The following ALS2CL variants were observed in gnomAD, a reference collection of about 807,000 sequenced individuals.
The protein encoded by ALS2CL is ALS2 C-terminal-like protein.
In ALS2CL, 112 loss-of-function variants were observed where a neutral mutation model predicts 127.9. That is an observed-to-expected ratio of 0.88 (90% CI 0.75 to 1.02). ALS2CL has a LOEUF of 1.02. Ranked by LOEUF, ALS2CL falls within the 50% of genes least tolerant of loss-of-function variation. The pLI is 0.00. For missense variants in ALS2CL, 1,174 were observed against 1,236.7 expected, an observed-to-expected ratio of 0.95 and a Z score of 0.76; for synonymous variants, 519 against 527.6, an observed-to-expected ratio of 0.98 and a Z score of 0.22.
Position 46,674,417 on chromosome 3 carries a change from A to G in ALS2CL, c.2429+149T>C. On this transcript the variant is annotated intron_variant, in intron 21 of 25. Transcript: ENST00000318962. ...GGTGCTTCCCTCTGTCATTCAGTTG[A>G]ACACCTAGATCCAGCCACACCTGAA... 10 of 1,052,232 alleles carry G rather than the reference A, an allele frequency of 9.5e-6. No homozygotes were observed. The South Asian group carries it at 1.6e-4, about 17-fold the overall frequency. 65.2% of individuals were successfully genotyped at this position (1,052,232 alleles called of 1,614,324 possible).
chr3:46,686,969 C>T lies in ALS2CL; in HGVS notation c.534+14G>A, dbSNP rs767335605. 4 of 1,574,152 alleles carry T rather than the reference C, an allele frequency of 2.5e-6. No homozygotes were observed. The highest frequency in any genetic ancestry group is 1.4e-5 in the African/African-American group (1 of 74,044). ...CCCTCGGCTTCCCCACATGCTGCTG[C>T]CCCTGGTACCCACCTCCCCAATGGT... On this transcript the variant is annotated intron_variant, in intron 5 of 25. Transcript: ENST00000318962. The surrounding 1 kb of genome is among the most constrained non-coding windows in gnomAD (Gnocchi z 4.3).
At chr3:46,682,315 C>T (rs1246581233) in intron 10 of ALS2CL, among the ~76,000 whole-genome samples, 1 of 152,214 alleles carries the variant, frequency 6.6e-6, no homozygotes, top group Non-Finnish European at 1.5e-5. Context: ...GGCACACTCA[C>T]CACATCCCAT....
In ALS2CL at chr3:46,675,645, A is replaced by G; in HGVS notation, c.2228T>C (p.Leu743Pro). Residue 743 changes from leucine to proline, a missense_variant, in exon 20 of 26, where the codon CTG (leucine) becomes CCG (proline). Transcript: ENST00000318962. ...RVALERKGQA[L>P]EEDEDTETRD... ...TGTCTCTGTGTCTTCATCCTCCTCCAGGGCCTGGCCCTTGCGCTCTAAGGC... is the reference window on the plus strand; with the variant it reads ...TGTCTCTGTGTCTTCATCCTCCTCCGGGGCCTGGCCCTTGCGCTCTAAGGC... The G allele has an allele frequency of 6.2e-7, 1 of 1,613,836 alleles. No individual in the cohort carries two copies. The highest frequency in any genetic ancestry group is 1.1e-5 in the South Asian group (1 of 91,076).
In ALS2CL at chr3:46,674,545, AC is replaced by A; in HGVS notation, c.2429+20del. The A allele has an allele frequency of 6.2e-7, 1 of 1,602,716 alleles. No homozygotes were observed. On this transcript the variant is annotated intron_variant, in intron 21 of 25. Transcript: ENST00000318962. Reference sequence around the variant, plus strand: ...GAGTTTGAGTCCTGGCTAACACGGCACGGGGGAAGGGAAGGCTTACTTCTGC... The same window carrying A: ...GAGTTTGAGTCCTGGCTAACACGGCAGGGGGAAGGGAAGGCTTACTTCTGC...
chr3:46,685,078 T>C (rs1313257299), intron 7 of ALS2CL, among the ~76,000 whole-genome samples: 5 of 152,164 alleles, frequency 3.3e-5, no homozygotes, highest in Admixed American at 3.3e-4. Context: ...CAGGCACTGC[T>C]CCTGTAGGGT....
chr3:46,675,852 T>C (rs1698772267), intron 19 of ALS2CL, 166 bp from the exon 20 acceptor site: 1 of 1,457,226 alleles, frequency 6.9e-7, no homozygotes. Context: ...AGCTCCAGGA[T>C]GTTAGCCTGA....
rs1575438119 is a variant in ALS2CL, at chr3:46,683,868, G to A, written c.846-20C>T. The A allele has an allele frequency of 3.1e-6, 5 of 1,614,094 alleles. No individual in the cohort carries two copies. In the Admixed American group the frequency reaches 5.0e-5, roughly 16 times the overall value. On this transcript the variant is annotated intron_variant, in intron 8 of 25. Coordinates refer to ENST00000318962, the MANE Select transcript of ALS2CL (RefSeq NM_147129.5). ...GTGCACCTAGACAGACGGAGGTGAT[G>A]AGTAGGCCCCAGCTTTGTCCAGGAG...
At chr3:46,675,803 AG>A in intron 19 of ALS2CL, 117 bp from the exon 20 acceptor site, 2 of 1,549,486 alleles carry the variant, frequency 1.3e-6, no homozygotes, top group East Asian at 2.3e-5. Context: ...CATGGCCTGC[AG>A]GGTTCATCCT....
intron 22 of ALS2CL, among the ~76,000 whole-genome samples, chr3:46,672,733 G>A (rs1277867989): frequency 2.0e-5 from 3 of 152,166 alleles, no homozygotes; most frequent in Admixed American, 6.5e-5. Context: ...AGTGGCTCAC[G>A]CCTGTAATCC....
Position 46,686,246 on chromosome 3 carries a change from C to A in ALS2CL, c.666+62G>T. The stretch of plus-strand genomic sequence containing the variant: ...GAATACAGCAAGCAGCTCAAGCCCC[C>A]CAACATCTCCATGCCCAATGTGGAA... On this transcript the variant is annotated intron_variant, in intron 6 of 25. Coordinates refer to ENST00000318962, the MANE Select transcript of ALS2CL (RefSeq NM_147129.5). This position sits in a 1 kb window ranked among gnomAD's most constrained non-coding sequence, Gnocchi z 4.3. 3 of 1,529,166 alleles carry A rather than the reference C, an allele frequency of 2.0e-6. No individual in the cohort carries two copies. The highest frequency in any genetic ancestry group is 2.6e-5 in the South Asian group (2 of 77,054). The allele number at this position is 1,529,166 out of a possible 1,614,324, so 94.7% of individuals were successfully genotyped here. A position where few individuals can be genotyped will look rare whatever the true frequency, so the allele number is the denominator to read the frequency against.
At chr3:46,688,680 A>T (rs1308951078) in intron 2 of ALS2CL, among the ~76,000 whole-genome samples, 1 of 152,188 alleles carries the variant, frequency 6.6e-6, no homozygotes, top group Non-Finnish European at 1.5e-5. Context: ...CTGCCATTTC[A>T]CAGATGCACA....
In ALS2CL at chr3:46,671,045, T is replaced by C. The variant is rs570904633; in HGVS notation, c.2801A>G (p.Gln934Arg). ...TALESCYEHI[Q>R]KEDMRLHRLP... ...GCGGTGCAGCCTCATGTCTTCTTTC[T>C]GGATGTGCTCGTAACAGGACTGGAG... The change falls in exon 26 of 26, where the codon CAG (glutamine) becomes CGG (arginine). Residue 934 changes from glutamine to arginine, a missense_variant. Gln to Arg is a conservative substitution (Grantham distance 43). Transcript: ENST00000318962. 3 of 1,614,192 alleles carry C rather than the reference T, an allele frequency of 1.9e-6. No homozygotes were observed. The East Asian group carries it at 6.7e-5, about 36-fold the overall frequency.
rs370377148 is a variant in ALS2CL, at chr3:46,683,974, G to A, written c.845+15C>T. 2.8e-5 allele frequency: 45 copies of A among 1,600,686 alleles called. No individual in the cohort carries two copies. The highest frequency in any genetic ancestry group is 1.6e-4 in the Middle Eastern group (1 of 6,062). ...GGGAAGAAGGCCTGGGGTGTCAGCC[G>A]AGGGGGTTGCTCACCCGTCCTGCCC... On this transcript the variant is annotated intron_variant, in intron 8 of 25. Coordinates refer to ENST00000318962, the MANE Select transcript of ALS2CL (RefSeq NM_147129.5).
At chr3:46,671,785 T>C (rs1182030269) in intron 24 of ALS2CL, 99 bp downstream of exon 24, 1 of 1,556,036 alleles carries the variant, frequency 6.4e-7, no homozygotes, top group Non-Finnish European at 8.7e-7. Context: ...AGAGAGAAGC[T>C]GCATCCATAA....
intron 20 of ALS2CL, 63 bp downstream of exon 20, chr3:46,675,555 T>G (rs1698744069): frequency 6.6e-7 from 1 of 1,515,700 alleles, no homozygotes; most frequent in Admixed American, 1.7e-5. Flanking sequence ...AGGGAGGTCC[T>G]AGGAGCAGAC....
chr3:46,672,943 T>C (rs568352925), intron 22 of ALS2CL, among the ~76,000 whole-genome samples: 1 of 151,964 alleles, frequency 6.6e-6, no homozygotes, highest in Non-Finnish European at 1.5e-5. Flanking sequence ...GAGGCGGAGG[T>C]TGCAGTGAGC....
chr3:46,678,504 G>C, intron 15 of ALS2CL, 115 bp from the exon 16 acceptor site: 7 of 1,353,906 alleles, frequency 5.2e-6, no homozygotes, highest in Non-Finnish European at 6.9e-6. Flanking sequence ...CTAATGAATG[G>C]GCTTCCCGCC....
In ALS2CL at chr3:46,669,227, G is replaced by C. The variant is rs2106670060; in HGVS notation, c.*1757C>G. On this transcript the variant is annotated 3_prime_UTR_variant, in exon 26 of 26. Transcript: ENST00000318962. ...TTTATTTTGTATTTGTAGAGACAGG[G>C]TCTCACTATGTTGCCCAGGCTGGTC... is the stretch of plus-strand genomic sequence containing the variant. 6.6e-6 allele frequency: 1 copy of C among 152,180 alleles called. No individual in the cohort carries two copies. The highest frequency in any genetic ancestry group is 3.4e-3 in the Middle Eastern group (1 of 294). 9.4% of individuals were successfully genotyped at this position (152,180 alleles called of 1,614,324 possible).
In ALS2CL at chr3:46,672,097, C is replaced by T. The variant is rs371657552; in HGVS notation, c.2534+43G>A. On this transcript the variant is annotated intron_variant, in intron 23 of 25. Transcript: ENST00000318962. ...TTCAGTCCCAACCAGGAGCACCCCACACTCTGCCTCCGGACCCCCAACCCA... is the reference window on the plus strand; with the variant it reads ...TTCAGTCCCAACCAGGAGCACCCCATACTCTGCCTCCGGACCCCCAACCCA... 1.5e-5 allele frequency: 24 copies of T among 1,614,032 alleles called. No homozygotes were observed. In the African/African-American group the frequency reaches 2.9e-4, roughly 20 times the overall value.
Sources: allele counts gnomAD v4.1 joint callset (sites outside exome capture counted in the v4.1 genomes callset), GRCh38; gene constraint gnomAD v4.1.1; non-coding constraint Gnocchi (gnomAD v3.1); transcripts MANE v1.5; gene names NCBI Gene and HGNC (gene_info 2026-07-23, HGNC 2026-07-21).